NCOA7: variants seen among roughly 807,000 people sequenced by gnomAD.
NCOA7 encodes the protein 140 kDa estrogen receptor-associated protein.
NCOA7 carries 45 observed loss-of-function variants against 104.3 expected under a neutral mutation model. The observed-to-expected ratio is 0.43, with a 90% CI of 0.34 to 0.55. The LOEUF (loss-of-function observed/expected upper bound fraction) is 0.55. NCOA7 is among the 20% of genes least tolerant of loss of function. The probability of loss-of-function intolerance (pLI) is 0.02; values close to 1 mark genes in which losing one functional copy is unlikely to be tolerated. For missense variants in NCOA7, 1,041 were observed against 1,119.7 expected (o/e 0.93, Z 1.00); for synonymous variants, 398 against 402.3 (o/e 0.99, Z 0.13).
At chr6:125,796,912 T>A (rs1250075022) in intron 1 of NCOA7, 1 of 152,296 alleles carries the variant, frequency 6.6e-6, no homozygotes, top group African/African-American at 2.4e-5. Context: ...GGTTGGTTGA[T>A]TCCATGGATG....
intron 3 of NCOA7, among the ~76,000 whole-genome samples, chr6:125,861,164 A>G (rs759572556): frequency 6.6e-6 from 1 of 152,236 alleles, no homozygotes; most frequent in Non-Finnish European, 1.5e-5. Flanking sequence ...AAAATAAATG[A>G]AATCCTCTGC....
intron 2 of NCOA7, among the ~76,000 whole-genome samples, chr6:125,827,868 T>A (rs1470864338): frequency 6.6e-6 from 1 of 152,268 alleles, no homozygotes; most frequent in Non-Finnish European, 1.5e-5. Context: ...CAGGGCCTTC[T>A]TGGCCATGTT....
At chr6:125,923,002 AAATCCC>A (rs1787723586) in intron 13 of NCOA7, among the ~76,000 whole-genome samples, 168 bp downstream of exon 13, 1 of 152,218 alleles carries the variant, frequency 6.6e-6, no homozygotes. Context: ...ATTTTGAAGT[AAATCCC>A]AATCATTATG....
chr6:125,884,053 C>T (rs905517612), intron 7 of NCOA7, among the ~76,000 whole-genome samples: 2 of 152,148 alleles, frequency 1.3e-5, no homozygotes, highest in African/African-American at 4.8e-5. Context: ...ATTCTACTCT[C>T]TACTTCTAGG....
intron 10 of NCOA7, among the ~76,000 whole-genome samples, chr6:125,900,333 G>A (rs1461195002): frequency 1.3e-5 from 2 of 152,180 alleles, no homozygotes; most frequent in Non-Finnish European, 2.9e-5. Flanking sequence ...CTGAATCCAC[G>A]CTATGGGCTG....
intron 10 of NCOA7, among the ~76,000 whole-genome samples, chr6:125,911,805 G>A (rs1583528491): frequency 2.0e-5 from 3 of 152,190 alleles, no homozygotes; most frequent in Middle Eastern, 3.4e-3. Flanking sequence ...GGGGGAACCC[G>A]GTCCATGGTT....
At chr6:125,808,327 G>C (rs1294791754) in intron 1 of NCOA7, among the ~76,000 whole-genome samples, 1 of 152,192 alleles carries the variant, frequency 6.6e-6, no homozygotes, top group Non-Finnish European at 1.5e-5. Flanking sequence ...AGCGTAAGTT[G>C]CTCAGTGCTC....
chr6:125,893,601 G>A (rs984857450), intron 10 of NCOA7, among the ~76,000 whole-genome samples: 2 of 152,024 alleles, frequency 1.3e-5, no homozygotes, highest in African/African-American at 4.8e-5. Flanking sequence ...GCGGGGCTGT[G>A]GGGGGGCCAG....
chr6:125,841,193 C>CTGT (rs763297766), intron 2 of NCOA7, among the ~76,000 whole-genome samples: 5,448 of 151,772 alleles, frequency 0.036, 320 homozygotes, highest in African/African-American at 0.12. Flanking sequence ...CCTGGCCTAC[C>CTGT]TTTTATGTTT....
chr6:125,877,718 T>C (rs894680421), intron 4 of NCOA7, among the ~76,000 whole-genome samples: 1 of 152,224 alleles, frequency 6.6e-6, no homozygotes, highest in Non-Finnish European at 1.5e-5. Context: ...TGGTAGCTAA[T>C]CTGAATTTCT....
At chr6:125,923,308 G>A (rs373429367) in intron 13 of NCOA7, among the ~76,000 whole-genome samples, 1 of 152,194 alleles carries the variant, frequency 6.6e-6, no homozygotes, top group African/African-American at 2.4e-5. Flanking sequence ...AGGCCATAGT[G>A]TGTTGTGCCT....
chr6:125,793,971 G>T (rs1327318132), intron 1 of NCOA7, among the ~76,000 whole-genome samples: 1 of 152,104 alleles, frequency 6.6e-6, no homozygotes, highest in Non-Finnish European at 1.5e-5. Flanking sequence ...GATGTTTACG[G>T]GGGGTTGGCT....
At chr6:125,927,302 C>T (rs2128703287) in intron 13 of NCOA7, among the ~76,000 whole-genome samples, 1 of 152,290 alleles carries the variant, frequency 6.6e-6, no homozygotes, top group African/African-American at 2.4e-5. Flanking sequence ...CAAGATGTAT[C>T]TTCTTGTGGC....
At chr6:125,795,986 A>G (rs1049908545) in intron 1 of NCOA7, among the ~76,000 whole-genome samples, 5 of 152,052 alleles carry the variant, frequency 3.3e-5, no homozygotes, top group Admixed American at 2.0e-4. Context: ...CTGCACGTGG[A>G]TAGAGTATGA....
At chr6:125,910,635 A>C (rs1460341475) in intron 10 of NCOA7, among the ~76,000 whole-genome samples, 2 of 152,256 alleles carry the variant, frequency 1.3e-5, no homozygotes, top group Non-Finnish European at 2.9e-5. Flanking sequence ...ATCCCTATAC[A>C]GCAGAATGTG....
intron 2 of NCOA7, among the ~76,000 whole-genome samples, chr6:125,822,207 G>T (rs184163626): frequency 6.6e-6 from 1 of 152,320 alleles, no homozygotes; most frequent in East Asian, 1.9e-4. Flanking sequence ...CCCATTGTTG[G>T]ATTCAGATAC....
intron 7 of NCOA7, among the ~76,000 whole-genome samples, chr6:125,884,014 C>T (rs1016389712): frequency 9.2e-5 from 14 of 152,160 alleles, no homozygotes; most frequent in Non-Finnish European, 1.5e-4. Context: ...CCACCACACC[C>T]GGCCCACCCA....
chr6:125,853,955 T>C (rs944633770), intron 2 of NCOA7, among the ~76,000 whole-genome samples: 2 of 152,150 alleles, frequency 1.3e-5, no homozygotes, highest in African/African-American at 4.8e-5. Flanking sequence ...CAGTGAAATA[T>C]CAAATTTCAG....
At chr6:125,825,343 AT>A (rs1583306320) in intron 2 of NCOA7, among the ~76,000 whole-genome samples, 1 of 152,092 alleles carries the variant, frequency 6.6e-6, no homozygotes, top group Non-Finnish European at 1.5e-5. Context: ...AAACCCAACA[AT>A]TTTTTTAAAA....
Sources: allele counts gnomAD v4.1 joint callset (sites outside exome capture counted in the v4.1 genomes callset), GRCh38; gene constraint gnomAD v4.1.1; transcripts MANE v1.5; gene names NCBI Gene and HGNC (gene_info 2026-07-23, HGNC 2026-07-21).